ABHD18: variants seen among roughly 807,000 people sequenced by gnomAD.
ABHD18 encodes the protein abhydrolase domain containing 18, also known as cardiolipin-specific deacylase, mitochondrial.
A neutral mutation model predicts 65.9 loss-of-function variants in ABHD18; 55 were observed. The observed-to-expected ratio is 0.84, with a 90% CI of 0.67 to 1.05. The LOEUF is 1.05. Ranked by LOEUF, ABHD18 falls within the 50% of genes least tolerant of loss-of-function variation. The pLI, the probability that ABHD18 is intolerant of heterozygous loss-of-function variation, is 0.00. For missense variants in ABHD18, 533 were observed against 558.5 expected (o/e 0.95, Z 0.46); for synonymous variants, 181 against 180.2 (o/e 1.00, Z -0.04).
chr4:128,024,984 G>A (rs957167471), intron 10 of ABHD18, among the ~76,000 whole-genome samples: 4 of 151,918 alleles, frequency 2.6e-5, no homozygotes, highest in East Asian at 1.9e-4. Flanking sequence ...GAGCCACTGC[G>A]CCCGGCCAAC....
At chr4:128,017,313 G>T (rs1755679193) in intron 7 of ABHD18, 50 bp from the exon 8 acceptor site, 4 of 1,563,982 alleles carry the variant, frequency 2.6e-6, no homozygotes, top group Non-Finnish European at 3.5e-6. Context: ...GCATATATTA[G>T]CATGTAAATA....
intron 11 of ABHD18, 122 bp downstream of exon 11, chr4:128,028,975 G>T: frequency 1.4e-6 from 1 of 732,298 alleles, no homozygotes. Flanking sequence ...GTTGGCTCCA[G>T]AATATGTTTG....
At chr4:127,992,393 T>G (rs1359553344) in intron 4 of ABHD18, among the ~76,000 whole-genome samples, 1 of 152,010 alleles carries the variant, frequency 6.6e-6, no homozygotes, top group East Asian at 1.9e-4. Context: ...GAGAATCACT[T>G]GAACCTGGGA....
At chr4:128,020,601 C>T (rs1043364872) in intron 9 of ABHD18, among the ~76,000 whole-genome samples, 1 of 152,084 alleles carries the variant, frequency 6.6e-6, no homozygotes, top group Non-Finnish European at 1.5e-5. Flanking sequence ...CAGCAGAAAC[C>T]GCATTGTTTA....
intron 2 of ABHD18, among the ~76,000 whole-genome samples, chr4:127,983,409 T>C (rs1749389555): frequency 1.3e-5 from 2 of 152,206 alleles, no homozygotes; most frequent in South Asian, 4.1e-4. Context: ...ACTGGAATAC[T>C]CCGTAGCTCA....
chr4:128,016,685 G>A (rs943166092), intron 7 of ABHD18, among the ~76,000 whole-genome samples: 4 of 146,692 alleles, frequency 2.7e-5, no homozygotes, highest in Admixed American at 2.1e-4. Context: ...TGAGACAGGA[G>A]AATCGCTTGA....
intron 12 of ABHD18, among the ~76,000 whole-genome samples, chr4:128,034,430 G>A (rs960323617): frequency 1.3e-5 from 2 of 151,904 alleles, no homozygotes; most frequent in Non-Finnish European, 2.9e-5. Flanking sequence ...AATATGAGTG[G>A]GGCAGGGTGT....
At chr4:128,033,972 T>C (rs1355862036) in intron 12 of ABHD18, among the ~76,000 whole-genome samples, 2 of 149,360 alleles carry the variant, frequency 1.3e-5, no homozygotes, top group African/African-American at 4.9e-5. Context: ...TTTTTTTTTT[T>C]TTTTTGAGCT....
intron 4 of ABHD18, among the ~76,000 whole-genome samples, chr4:128,006,802 C>T (rs983240588): frequency 3.9e-5 from 6 of 152,180 alleles, no homozygotes; most frequent in Admixed American, 2.6e-4. Context: ...ATGGTTAAAA[C>T]GGACACGTGT....
intron 11 of ABHD18, 101 bp downstream of exon 11, chr4:128,028,954 T>C (rs962908422): frequency 9.7e-7 from 1 of 1,028,090 alleles, no homozygotes; most frequent in Non-Finnish European, 1.3e-6. Context: ...TTTTCAAGGG[T>C]ATATTTTTTT....
chr4:128,023,883 C>CA (rs1025622367), intron 10 of ABHD18, among the ~76,000 whole-genome samples: 3 of 151,180 alleles, frequency 2.0e-5, no homozygotes, highest in African/African-American at 7.3e-5. Context: ...GACTCCGTCT[C>CA]AAAAAAACAA....
chr4:127,968,870 T>C (rs532786801), intron 1 of ABHD18, among the ~76,000 whole-genome samples: 30 of 152,278 alleles, frequency 2.0e-4, no homozygotes, highest in Non-Finnish European at 3.7e-4. Context: ...GCTTGGATTT[T>C]TATCTGTTCA....
At chr4:127,973,789 C>T (rs1747317048) in intron 1 of ABHD18, among the ~76,000 whole-genome samples, 1 of 123,692 alleles carries the variant, frequency 8.1e-6, no homozygotes, top group African/African-American at 3.2e-5. Context: ...CCTCCAGGAG[C>T]AGAGGCTGGC....
chr4:128,008,801 A>G, intron 4 of ABHD18, 119 bp from the exon 5 acceptor site: 1 of 661,328 alleles, frequency 1.5e-6, no homozygotes. Flanking sequence ...TTGAATGTTA[A>G]AATTTCGACT....
chr4:128,003,945 A>AT (rs1475315737), intron 4 of ABHD18, among the ~76,000 whole-genome samples: 4 of 114,186 alleles, frequency 3.5e-5, no homozygotes, highest in Non-Finnish European at 7.7e-5. Flanking sequence ...CCCTGTCTCG[A>AT]TTTAAAAAAA....
chr4:127,997,425 A>T (rs972656658), intron 4 of ABHD18, among the ~76,000 whole-genome samples: 1 of 152,308 alleles, frequency 6.6e-6, no homozygotes, highest in East Asian at 1.9e-4. Flanking sequence ...TTTAAAAAGG[A>T]AAAAAAGTAA....
At chr4:127,981,361 C>T (rs976071570) in intron 1 of ABHD18, among the ~76,000 whole-genome samples, 4 of 151,904 alleles carry the variant, frequency 2.6e-5, no homozygotes, top group Admixed American at 2.6e-4. Context: ...AGCACATTGC[C>T]TTGTTTCATT....
At chr4:128,026,109 T>C (rs970222008) in intron 10 of ABHD18, among the ~76,000 whole-genome samples, 8 of 151,964 alleles carry the variant, frequency 5.3e-5, no homozygotes, top group African/African-American at 1.9e-4. Flanking sequence ...GCCAACATGG[T>C]GAAACCCCGT....
chr4:128,033,959 CTTTTTTT>C lies in ABHD18; in HGVS notation c.1344-1791_1344-1785del, dbSNP rs996416880. The stretch of plus-strand genomic sequence containing the variant: ...AATATAGACATGCATTTTCTTTTTT[CTTTTTTT>C]TTTTTTTTTTTGAGCTGGAGTCTTG... On this transcript the variant is annotated intron_variant, in intron 12 of 12. Transcript: ENST00000645843. Among the ~76,000 whole-genome samples, 31 of 123,450 alleles carry C rather than the reference CTTTTTTT, an allele frequency of 2.5e-4. 1 individual carries two copies. The highest frequency in any genetic ancestry group is 1.9e-3 in the South Asian group (7 of 3,724). The allele number at this position is 123,450 out of a possible 152,430, so 81.0% of individuals were successfully genotyped here.
Sources: allele counts gnomAD v4.1 joint callset (sites outside exome capture counted in the v4.1 genomes callset), GRCh38; gene constraint gnomAD v4.1.1; transcripts MANE v1.5; gene names NCBI Gene and HGNC (gene_info 2026-07-23, HGNC 2026-07-21).